SYNDIG1: variants seen among roughly 807,000 people sequenced by gnomAD.
SYNDIG1 encodes synapse differentiation inducing 1.
Under a neutral mutation model 19.4 loss-of-function variants are expected in SYNDIG1, and 9 were observed. The ratio of observed to expected loss-of-function variants is 0.46; its 90% CI spans 0.28 to 0.81. The LOEUF (loss-of-function observed/expected upper bound fraction) is 0.81, where lower values mean the gene tolerates loss of function less well. Among genes scored for constraint, SYNDIG1 ranks in the 30% least tolerant of loss-of-function variants. The pLI, the probability that SYNDIG1 is intolerant of heterozygous loss-of-function variation, is 0.12. For missense variants in SYNDIG1, 311 were observed against 343.3 expected (o/e 0.91, Z 0.74); for synonymous variants, 141 against 145.9 (o/e 0.97, Z 0.24).
At chr20:24,626,706 T>C (rs564401808) in intron 3 of SYNDIG1, among the ~76,000 whole-genome samples, 4 of 152,262 alleles carry the variant, frequency 2.6e-5, no homozygotes, top group East Asian at 3.9e-4. Context: ...TCTCGGCACT[T>C]TGGGGGGCCA....
chr20:24,648,717 G>A (rs75195730), intron 3 of SYNDIG1, among the ~76,000 whole-genome samples: 15 of 152,300 alleles, frequency 9.8e-5, no homozygotes, highest in African/African-American at 3.4e-4. Context: ...TTCTTAGAAG[G>A]AGCCAAGTGT....
At chr20:24,576,943 G>A (rs2058239102) in intron 2 of SYNDIG1, among the ~76,000 whole-genome samples, 3 of 152,212 alleles carry the variant, frequency 2.0e-5, no homozygotes, top group African/African-American at 7.2e-5. Flanking sequence ...CTTTTTAAAA[G>A]GCAGTTTTAA....
At chr20:24,596,137 G>A (rs1383397738) in intron 3 of SYNDIG1, among the ~76,000 whole-genome samples, 1 of 152,162 alleles carries the variant, frequency 6.6e-6, no homozygotes, top group African/African-American at 2.4e-5. Context: ...CTGTGTCCCA[G>A]AGATTCTGAT....
At chr20:24,568,179 G>C (rs1185730840) in intron 2 of SYNDIG1, among the ~76,000 whole-genome samples, 1 of 152,150 alleles carries the variant, frequency 6.6e-6, no homozygotes, top group East Asian at 1.9e-4. Flanking sequence ...AAATGCAGCA[G>C]CTGGTCCAGT....
chr20:24,480,011 G>A (rs115822278), intron 1 of SYNDIG1, among the ~76,000 whole-genome samples: 1,919 of 152,230 alleles, frequency 0.013, 26 homozygotes, highest in African/African-American at 0.035. Context: ...ACGTGCACGC[G>A]CGCACGCACA....
chr20:24,630,497 G>A (rs182992657), intron 3 of SYNDIG1, among the ~76,000 whole-genome samples: 3 of 152,202 alleles, frequency 2.0e-5, no homozygotes, highest in African/African-American at 7.2e-5. Flanking sequence ...ATTCATCAGG[G>A]CCCCAAACTG....
chr20:24,496,613 T>C (rs2056311772), intron 1 of SYNDIG1, among the ~76,000 whole-genome samples: 1 of 152,246 alleles, frequency 6.6e-6, no homozygotes, highest in Non-Finnish European at 1.5e-5. Context: ...ATCTGTTTTC[T>C]CATCTTTAAA....
intron 1 of SYNDIG1, among the ~76,000 whole-genome samples, chr20:24,490,758 G>A (rs543091574): frequency 2.3e-4 from 35 of 152,312 alleles, no homozygotes; most frequent in Non-Finnish European, 4.6e-4. Flanking sequence ...GCTGATCGGG[G>A]CCCTTCATAT....
At chr20:24,585,349 G>A (rs912915770) in intron 3 of SYNDIG1, among the ~76,000 whole-genome samples, 1 of 152,168 alleles carries the variant, frequency 6.6e-6, no homozygotes, top group Admixed American at 6.5e-5. Flanking sequence ...CCCCAGTGCC[G>A]GGAAACACCA....
At chr20:24,580,496 C>T (rs1335819401) in intron 2 of SYNDIG1, among the ~76,000 whole-genome samples, 2 of 152,122 alleles carry the variant, frequency 1.3e-5, no homozygotes, top group Admixed American at 1.3e-4. Flanking sequence ...CTGCAACCTC[C>T]ACTCCCTGGG....
At chr20:24,549,638 C>G (rs1472579201) in intron 2 of SYNDIG1, among the ~76,000 whole-genome samples, 1 of 152,220 alleles carries the variant, frequency 6.6e-6, no homozygotes, top group Non-Finnish European at 1.5e-5. Context: ...TTCAGCTTTG[C>G]TGTCCACAGA....
At position 24,658,626 on chromosome 20, in the gene SYNDIG1, C is replaced by T. The variant is rs868175477; in HGVS notation, c.619-6720C>T. Among the ~76,000 whole-genome samples, 2 of 151,824 alleles carry T rather than the reference C, an allele frequency of 1.3e-5. No individual in the cohort carries two copies. Among genetic ancestry groups the T allele is most frequent in the African/African-American group, 2.4e-5 (1 of 41,306 alleles). On this transcript the variant is annotated intron_variant, in intron 3 of 3. Transcript: ENST00000376862. The surrounding 1 kb of genome is among the most constrained non-coding windows in gnomAD (Gnocchi z 4.4). ...AGTATGACCCCCCACCCCCACCCCC[C>T]GGCGATTCACTGAATGTGAAATAGA...
intron 2 of SYNDIG1, among the ~76,000 whole-genome samples, chr20:24,556,844 T>C (rs943708467): frequency 1.3e-5 from 2 of 152,228 alleles, no homozygotes; most frequent in Admixed American, 1.3e-4. Context: ...TGAATCTGAA[T>C]GTTGGCCTGC....
chr20:24,607,760 G>A (rs1013172681), intron 3 of SYNDIG1, among the ~76,000 whole-genome samples: 10 of 152,248 alleles, frequency 6.6e-5, no homozygotes, highest in South Asian at 4.1e-4. Context: ...ACTTTCTTCC[G>A]TTTTTGTAGA....
At chr20:24,617,896 G>A (rs967681980) in intron 3 of SYNDIG1, among the ~76,000 whole-genome samples, 1 of 148,806 alleles carries the variant, frequency 6.7e-6, no homozygotes, top group African/African-American at 2.5e-5. Flanking sequence ...GAGAGCCCGG[G>A]GAGCGGGGAA....
chr20:24,554,852 T>C (rs1359386827), intron 2 of SYNDIG1, among the ~76,000 whole-genome samples: 1 of 151,724 alleles, frequency 6.6e-6, no homozygotes, highest in Non-Finnish European at 1.5e-5. Flanking sequence ...TCTTTTTCTA[T>C]TGATTGGAAT....
At chr20:24,661,511 G>A (rs1173200619) in intron 3 of SYNDIG1, among the ~76,000 whole-genome samples, 2 of 25,656 alleles carry the variant, frequency 7.8e-5, no homozygotes, top group Non-Finnish European at 1.6e-4. Context: ...GAAGAGGGAG[G>A]AAGGAGGGAG....
chr20:24,633,483 C>T (rs768049636), intron 3 of SYNDIG1, among the ~76,000 whole-genome samples: 16 of 152,240 alleles, frequency 1.1e-4, no homozygotes, highest in Non-Finnish European at 1.9e-4. Context: ...TAACTGGTAA[C>T]GTTCACGGGG....
intron 3 of SYNDIG1, among the ~76,000 whole-genome samples, chr20:24,610,148 T>C (rs2058823787): frequency 6.6e-6 from 1 of 152,142 alleles, no homozygotes; most frequent in Admixed American, 6.5e-5. Context: ...AAATTGCAAT[T>C]CTCACCCAGC....
Sources: gnomAD v4.1 joint callset for allele counts (sites outside exome capture counted in the v4.1 genomes callset) on GRCh38, gnomAD v4.1.1 for gene constraint, Gnocchi (gnomAD v3.1) non-coding constraint, MANE v1.5 for transcripts, NCBI Gene and HGNC (gene_info 2026-07-23, HGNC 2026-07-21) for gene names.